The following EPB41 variants were observed in gnomAD, a reference collection of about 807,000 sequenced individuals.
The protein encoded by EPB41 is erythrocyte membrane protein band 4.1.
In EPB41, 65 loss-of-function variants were observed where a neutral mutation model predicts 108.0. That is an observed-to-expected ratio of 0.60 (90% confidence interval 0.49 to 0.74). The LOEUF is 0.74. EPB41 is among the 30% of genes least tolerant of loss of function. The pLI is 0.00. For missense variants in EPB41, 875 were observed against 1,037.0 expected, an observed-to-expected ratio of 0.84 and a Z score of 2.15; for synonymous variants, 336 against 358.9, an observed-to-expected ratio of 0.94 and a Z score of 0.72.
chr1:28,994,684 G>A (rs900620006), intron 3 of EPB41, among the ~76,000 whole-genome samples: 7 of 114,382 alleles, frequency 6.1e-5, no homozygotes, highest in African/African-American at 1.9e-4. Context: ...TTTGAGACAG[G>A]GTCTTGCTCT....
chr1:29,083,583 A>G (rs1198528953), intron 16 of EPB41, among the ~76,000 whole-genome samples: 1 of 152,152 alleles, frequency 6.6e-6, no homozygotes, highest in African/African-American at 2.4e-5. Flanking sequence ...AGCCATTACC[A>G]CATCTGATTT....
At chr1:28,926,757 G>A (rs1407603944) in intron 1 of EPB41, among the ~76,000 whole-genome samples, 3 of 152,212 alleles carry the variant, frequency 2.0e-5, no homozygotes, top group South Asian at 4.1e-4. Context: ...CTGACCTCAT[G>A]GAGATGGGAG....
At chr1:28,926,211 A>G (rs887675611) in intron 1 of EPB41, among the ~76,000 whole-genome samples, 1 of 152,106 alleles carries the variant, frequency 6.6e-6, no homozygotes, top group Non-Finnish European at 1.5e-5. Context: ...CAAAAATTAC[A>G]ATTCAAGATG....
At chr1:28,902,517 G>A (rs975015324) in intron 1 of EPB41, among the ~76,000 whole-genome samples, 2 of 152,096 alleles carry the variant, frequency 1.3e-5, no homozygotes, top group Admixed American at 6.6e-5. Flanking sequence ...TTCCCAGCTC[G>A]GGGTCCATGA....
chr1:29,042,613 G>C (rs1285711835), intron 11 of EPB41, among the ~76,000 whole-genome samples: 2 of 151,938 alleles, frequency 1.3e-5, no homozygotes, highest in South Asian at 2.1e-4. Context: ...CAAGTAGCTG[G>C]GATTACAGGC....
intron 1 of EPB41, among the ~76,000 whole-genome samples, chr1:28,931,960 C>T (rs2093772563): frequency 6.6e-6 from 1 of 152,198 alleles, no homozygotes; most frequent in Non-Finnish European, 1.5e-5. Context: ...AACAGTAAAT[C>T]TACTTCTGCA....
intron 11 of EPB41, among the ~76,000 whole-genome samples, chr1:29,047,895 C>A (rs955774523): frequency 6.7e-6 from 1 of 149,838 alleles, no homozygotes; most frequent in South Asian, 2.1e-4. Flanking sequence ...GCGATTCTCC[C>A]GCCTCAGCCT....
intron 12 of EPB41, among the ~76,000 whole-genome samples, chr1:29,055,930 C>CAAAAAAA (rs35702090): frequency 3.4e-5 from 2 of 59,386 alleles, no homozygotes; most frequent in South Asian, 6.9e-4. Flanking sequence ...AAGACTGTCT[C>CAAAAAAA]AAAAAAAAAA....
intron 17 of EPB41, 64 bp downstream of exon 17, chr1:29,097,999 A>G: frequency 6.2e-7 from 1 of 1,608,586 alleles, no homozygotes; most frequent in South Asian, 1.1e-5. Context: ...CTTTCTTCAC[A>G]GAGTTTCTAG....
rs909021292 is a variant in EPB41 at position 29,055,769 on chromosome 1, A to G, written c.1845+2457A>G. ...ATGGCAAAACCCCGTCTTTACTAAA[A>G]ATACAAAAATTAGCTGGGCCTGCTG... is the stretch of plus-strand genomic sequence containing the variant. On this transcript the variant is annotated intron_variant, in intron 12 of 20. Coordinates refer to ENST00000343067, the MANE Select transcript of EPB41 (RefSeq NM_001376013.1). Among the ~76,000 whole-genome samples the G allele has an allele frequency of 2.7e-5, 4 of 150,228 alleles. No individual in the cohort carries two copies. In the East Asian group the frequency reaches 8.0e-4, roughly 30 times the overall value.
chr1:29,039,761 C>T (rs1640793579), intron 11 of EPB41, among the ~76,000 whole-genome samples: 1 of 152,064 alleles, frequency 6.6e-6, no homozygotes, highest in Non-Finnish European at 1.5e-5. Flanking sequence ...TTGTAGTGAG[C>T]CGAGATCATG....
intron 1 of EPB41, among the ~76,000 whole-genome samples, chr1:28,905,352 C>T (rs1362649766): frequency 6.6e-6 from 1 of 151,700 alleles, no homozygotes; most frequent in African/African-American, 2.4e-5. Context: ...CAAAAATCAG[C>T]CGGGCCTGGT....
Position 28,987,857 on chromosome 1 carries a change from A to T in EPB41, c.420A>T (p.Lys140Asn). ...APIAAPEPELKTDPSLDLHSL... is the reference protein window; with the variant it reads ...APIAAPEPELNTDPSLDLHSL... ...TTGCAGCTCCTGAACCGGAACTCAAAACAGACCCATCTTTGGATCTTCATT... is the reference window on the plus strand; with the variant it reads ...TTGCAGCTCCTGAACCGGAACTCAATACAGACCCATCTTTGGATCTTCATT... Residue 140 changes from lysine to asparagine, a missense_variant, in exon 2 of 21, where the codon AAA (lysine) becomes AAT (asparagine). Physicochemically the swap from Lys to Asn is moderately conservative, Grantham distance 94. Coordinates refer to ENST00000343067, the MANE Select transcript of EPB41 (RefSeq NM_001376013.1). 6.2e-7 allele frequency: 1 copy of T among 1,614,224 alleles called. No individual in the cohort carries two copies. The highest frequency in any genetic ancestry group is 2.2e-5 in the East Asian group (1 of 44,890).
intron 17 of EPB41, among the ~76,000 whole-genome samples, chr1:29,100,997 G>T (rs1305484698): frequency 6.6e-6 from 1 of 151,538 alleles, no homozygotes; most frequent in South Asian, 2.1e-4. Flanking sequence ...GGCCGTGGTG[G>T]GTGGATCACC....
chr1:28,988,131 C>T (rs1221573647), intron 2 of EPB41, among the ~76,000 whole-genome samples: 2 of 152,098 alleles, frequency 1.3e-5, no homozygotes, highest in Non-Finnish European at 1.5e-5. Context: ...GGCCTGATGG[C>T]GGGTGCCTGT....
At chr1:28,971,180 CTTTT>C (rs1000130058) in intron 1 of EPB41, among the ~76,000 whole-genome samples, 2 of 66,324 alleles carry the variant, frequency 3.0e-5, no homozygotes, top group Admixed American at 2.5e-4. Flanking sequence ...TTCTTTCTTT[CTTTT>C]TTTTTTTTTT....
chr1:28,923,183 G>GCTCAATGCAATCTCTAC (rs1553167241), intron 1 of EPB41, among the ~76,000 whole-genome samples: 3 of 131,974 alleles, frequency 2.3e-5, no homozygotes, highest in South Asian at 4.9e-4. Flanking sequence ...TGGGATCTCA[G>GCTCAATGCAATCTCTAC]CTCCCGGATT....
chr1:29,105,930 G>T (rs1667008929), intron 17 of EPB41, among the ~76,000 whole-genome samples: 2 of 151,112 alleles, frequency 1.3e-5, no homozygotes, highest in African/African-American at 4.9e-5. Context: ...GGTATTTTGT[G>T]GTAGAGATAG....
At chr1:28,997,411 C>G (rs2096205233) in intron 4 of EPB41, 92 bp downstream of exon 4, 1 of 800,022 alleles carries the variant, frequency 1.2e-6, no homozygotes, top group Admixed American at 1.9e-5. Flanking sequence ...CTTCTCTAAG[C>G]CAGTGTTCTT....
Sources: gnomAD v4.1 joint callset for allele counts (sites outside exome capture counted in the v4.1 genomes callset) on GRCh38, gnomAD v4.1.1 for gene constraint, MANE v1.5 for transcripts, NCBI Gene and HGNC (gene_info 2026-07-23, HGNC 2026-07-21) for gene names.